The following RPH3A variants were observed in gnomAD, a reference collection of about 807,000 sequenced individuals.
The protein encoded by RPH3A is rabphilin 3A.
RPH3A carries 48 observed loss-of-function variants against 102.2 expected under a neutral mutation model. The ratio of observed to expected loss-of-function variants is 0.47; its 90% CI spans 0.37 to 0.60. The LOEUF is 0.60. Among genes scored for constraint, RPH3A ranks in the 20% least tolerant of loss-of-function variants. RPH3A has a pLI of 0.00. For missense variants in RPH3A, 781 were observed against 910.1 expected (o/e 0.86, Z 1.83); for synonymous variants, 310 against 324.3 (o/e 0.96, Z 0.47).
At chr12:112,647,251 G>A (rs139104331) in intron 1 of RPH3A, among the ~76,000 whole-genome samples, 4 of 152,176 alleles carry the variant, frequency 2.6e-5, no homozygotes, top group African/African-American at 9.6e-5. Context: ...CCATTTGTTG[G>A]CTAAGAATTT....
At chr12:112,615,335 C>T (rs1165808189) in intron 1 of RPH3A, among the ~76,000 whole-genome samples, 4 of 152,190 alleles carry the variant, frequency 2.6e-5, no homozygotes, top group Non-Finnish European at 5.9e-5. Context: ...AACCCTGGCA[C>T]CACCTCCTTG....
chr12:112,771,341 A>G (rs1326484780), intron 1 of RPH3A, among the ~76,000 whole-genome samples: 1 of 152,178 alleles, frequency 6.6e-6, no homozygotes, highest in African/African-American at 2.4e-5. Context: ...TGCTTTTTCA[A>G]CTATATGAAA....
intron 1 of RPH3A, among the ~76,000 whole-genome samples, chr12:112,702,517 A>G (rs2040401076): frequency 6.6e-6 from 1 of 152,206 alleles, no homozygotes; most frequent in Non-Finnish European, 1.5e-5. Context: ...GCTCAGGGAG[A>G]TTAAGTGGCT....
At chr12:112,651,345 G>A (rs1189940685) in intron 1 of RPH3A, among the ~76,000 whole-genome samples, 3 of 151,822 alleles carry the variant, frequency 2.0e-5, no homozygotes, top group Admixed American at 2.0e-4. Flanking sequence ...CCCCAGCCTG[G>A]GCAACACAGT....
chr12:112,600,395 C>T (rs1359081157), intron 1 of RPH3A, among the ~76,000 whole-genome samples: 1 of 152,166 alleles, frequency 6.6e-6, no homozygotes, highest in Admixed American at 6.6e-5. Flanking sequence ...GCCCTAAGTC[C>T]TTTTTCTGTC....
chr12:112,595,115 C>A (rs879319439), intron 1 of RPH3A, among the ~76,000 whole-genome samples: 1 of 152,020 alleles, frequency 6.6e-6, no homozygotes, highest in East Asian at 1.9e-4. Context: ...AATCACTTCA[C>A]CTCTCTGTGC....
At chr12:112,742,771 T>C (rs1443770236) in intron 1 of RPH3A, among the ~76,000 whole-genome samples, 1 of 152,156 alleles carries the variant, frequency 6.6e-6, no homozygotes, top group Non-Finnish European at 1.5e-5. Flanking sequence ...ATGGCTGCTG[T>C]AATAAATTAC....
Position 112,838,708 on chromosome 12 carries a change from C to T in RPH3A, c.83+2206C>T, listed in dbSNP as rs185239740. ...GGGAGTTATAATTTATTAATAGAGA[C>T]ATCTGGCGAGTATTTATTATGTGAC... is the stretch of plus-strand genomic sequence containing the variant. On this transcript the variant is annotated intron_variant, in intron 4 of 21. Coordinates refer to ENST00000389385, the MANE Select transcript of RPH3A (RefSeq NM_001143854.2). 9.8e-4 allele frequency among the ~76,000 whole-genome samples: 149 copies of T among 152,338 alleles called. 2 individuals carry two copies. The highest frequency in any genetic ancestry group is 3.3e-3 in the African/African-American group (137 of 41,576).
intron 1 of RPH3A, among the ~76,000 whole-genome samples, chr12:112,637,416 C>A (rs186581686): frequency 3.3e-4 from 51 of 152,276 alleles, no homozygotes; most frequent in Non-Finnish European, 1.9e-4. Flanking sequence ...CCTACCTCCT[C>A]CCAGACATGA....
intron 1 of RPH3A, among the ~76,000 whole-genome samples, chr12:112,693,144 C>A (rs2040320216): frequency 6.6e-6 from 1 of 152,158 alleles, no homozygotes; most frequent in African/African-American, 2.4e-5. Context: ...ATGTTGACAC[C>A]ATACTGTCCA....
chr12:112,683,014 A>G (rs570544596), intron 1 of RPH3A, among the ~76,000 whole-genome samples: 4 of 152,148 alleles, frequency 2.6e-5, no homozygotes, highest in Non-Finnish European at 5.9e-5. Context: ...CATGTGTGCA[A>G]TTAATTTTTT....
At chr12:112,594,828 A>G (rs1450636265) in intron 1 of RPH3A, among the ~76,000 whole-genome samples, 1 of 152,224 alleles carries the variant, frequency 6.6e-6, no homozygotes, top group Admixed American at 6.5e-5. Context: ...GCATAAAGGT[A>G]TTGATTAATT....
Position 112,594,110 on chromosome 12 carries a change from T to G in RPH3A, c.-140+18791T>G, listed in dbSNP as rs144972095. Among the ~76,000 whole-genome samples, 203 of 152,374 alleles carry G rather than the reference T, an allele frequency of 1.3e-3. 2 individuals are homozygous for G. The highest frequency in any genetic ancestry group is 4.8e-3 in the African/African-American group (199 of 41,584). On this transcript the variant is annotated intron_variant, in intron 1 of 21. Transcript: ENST00000543106. ...GAAACTTAGACTTTTGTTTCGGTACTGCCTCTAATCAGTTGTGTTATTCTG... is the reference window on the plus strand; with the variant it reads ...GAAACTTAGACTTTTGTTTCGGTACGGCCTCTAATCAGTTGTGTTATTCTG...
At chr12:112,816,118 A>C (rs1039758152) in intron 2 of RPH3A, among the ~76,000 whole-genome samples, 3 of 152,160 alleles carry the variant, frequency 2.0e-5, no homozygotes, top group Non-Finnish European at 2.9e-5. Context: ...CCCTGCCTCC[A>C]GTGGAGTCAT....
chr12:112,772,671 G>T (rs1013844928), intron 1 of RPH3A, among the ~76,000 whole-genome samples: 1 of 152,060 alleles, frequency 6.6e-6, no homozygotes, highest in Non-Finnish European at 1.5e-5. Context: ...ATTAGTAGTA[G>T]TATTGTCATT....
intron 1 of RPH3A, among the ~76,000 whole-genome samples, chr12:112,670,951 A>T (rs552529662): frequency 6.6e-6 from 1 of 152,316 alleles, no homozygotes; most frequent in African/African-American, 2.4e-5. Context: ...AAGGGCGTGC[A>T]TATAGGGAGA....
At chr12:112,656,829 A>G (rs2040016215) in intron 1 of RPH3A, among the ~76,000 whole-genome samples, 1 of 151,788 alleles carries the variant, frequency 6.6e-6, no homozygotes, top group South Asian at 2.1e-4. Context: ...ATATCTCCAC[A>G]TTTTCTTTAT....
At chr12:112,732,419 G>A (rs1440469029) in intron 1 of RPH3A, among the ~76,000 whole-genome samples, 6 of 152,192 alleles carry the variant, frequency 3.9e-5, no homozygotes, top group Non-Finnish European at 7.3e-5. Flanking sequence ...CCCGTAACAT[G>A]GGATTAATAA....
chr12:112,881,600 C>T (rs1481772557), intron 14 of RPH3A, among the ~76,000 whole-genome samples, 172 bp from the exon 15 acceptor site: 2 of 152,200 alleles, frequency 1.3e-5, no homozygotes, highest in African/African-American at 4.8e-5. Context: ...CCCTGTCTCC[C>T]ATCCCAGTAC....
Sources: gnomAD v4.1 joint callset for allele counts (sites outside exome capture counted in the v4.1 genomes callset) on GRCh38, gnomAD v4.1.1 for gene constraint, MANE v1.5 for transcripts, NCBI Gene and HGNC (gene_info 2026-07-23, HGNC 2026-07-21) for gene names.